Variants in P4HA3 observed in about 807,000 individuals in gnomAD.
P4HA3 encodes the protein prolyl 4-hydroxylase subunit alpha 3.
Under a neutral mutation model 66.7 loss-of-function variants are expected in P4HA3, and 60 were observed. The ratio of observed to expected loss-of-function variants is 0.90; its 90% confidence interval spans 0.73 to 1.12. The LOEUF is 1.12. Among genes scored for constraint, P4HA3 ranks in the 50% most tolerant of loss-of-function variants. The pLI, the probability that P4HA3 is intolerant of heterozygous loss-of-function variation, is 0.00. For missense variants in P4HA3, 683 were observed against 685.8 expected (o/e 1.00, Z 0.05); for synonymous variants, 263 against 274.6 (o/e 0.96, Z 0.42).
Position 74,289,078 on chromosome 11 carries a change from C to T in P4HA3, c.769+1G>A. 6.4e-7 allele frequency: 1 copy of T among 1,570,418 alleles called. No homozygotes were observed. Among genetic ancestry groups the T allele is most frequent in the African/African-American group, 1.4e-5 (1 of 71,542 alleles). On this transcript the variant is annotated splice_donor_variant, in intron 5 of 12. Coordinates refer to ENST00000331597, the MANE Select transcript of P4HA3 (RefSeq NM_182904.5). LOFTEE classifies it high-confidence loss of function. ...TGGCTTATCTTTTATCCATTACGTA[C>T]TGTAGAGAAGAAACTCCCGAGAGAG...
Position 74,311,633 on chromosome 11 carries a change from C to A in P4HA3, c.-22G>T, listed in dbSNP as rs1263107852. ...CCATAGCCAGCGCTCGCGAACTTCC[C>A]CTCAGACAGTCCTGGCCGCGCGGCG... On this transcript the variant is annotated 5_prime_UTR_variant, in exon 1 of 13. Transcript: ENST00000331597. The A allele has an allele frequency of 6.8e-7, 1 of 1,471,784 alleles. No homozygotes were observed. The highest frequency in any genetic ancestry group is 8.9e-7 in the Non-Finnish European group (1 of 1,122,138). The allele number at this position is 1,471,784 out of a possible 1,614,324, so 91.2% of individuals were successfully genotyped here. A position where few individuals can be genotyped will look rare whatever the true frequency, so the allele number is the denominator to read the frequency against.
intron 9 of P4HA3, among the ~76,000 whole-genome samples, chr11:74,275,721 G>T (rs1462848497): frequency 1.3e-5 from 2 of 152,116 alleles, no homozygotes; most frequent in Admixed American, 6.5e-5. Context: ...AAACCTCCTG[G>T]AATTTTTATA....
intron 15 of P4HA3, chr11:74,255,936 CT>C (rs1186717385): frequency 1.9e-6 from 1 of 516,676 alleles, no homozygotes; most frequent in Admixed American, 1.9e-5. Context: ...TTGCGGGTGC[CT>C]TTGCTGAGCT....
At chr11:74,251,364 T>C in intron 15 of P4HA3, 1 of 1,356,996 alleles carries the variant, frequency 7.4e-7, no homozygotes, top group Non-Finnish European at 9.5e-7. Context: ...GGAATTAATA[T>C]GGGCTCCTCC....
intron 5 of P4HA3, among the ~76,000 whole-genome samples, chr11:74,288,564 C>A (rs1370032768): frequency 1.3e-5 from 2 of 152,156 alleles, no homozygotes; most frequent in Non-Finnish European, 2.9e-5. Context: ...TCAGCATTTT[C>A]CAACTAACTT....
At chr11:74,250,848 G>A in intron 15 of P4HA3, 5 of 903,904 alleles carry the variant, frequency 5.5e-6, no homozygotes, top group Non-Finnish European at 8.9e-6. Context: ...TTGAGGTGAG[G>A]TTGGAAATGG....
At chr11:74,294,627 T>A (rs551733159) in intron 4 of P4HA3, among the ~76,000 whole-genome samples, 1 of 152,322 alleles carries the variant, frequency 6.6e-6, no homozygotes, top group East Asian at 1.9e-4. Context: ...GGTTTTGGTG[T>A]GGATGTCCTT....
At chr11:74,300,129 G>A (rs528529470) in intron 3 of P4HA3, among the ~76,000 whole-genome samples, 234 of 152,238 alleles carry the variant, frequency 1.5e-3, no homozygotes, top group Admixed American at 3.1e-3. Flanking sequence ...GATCTAAGGC[G>A]AGTGAGAGCA....
rs1860909014 is a variant in P4HA3 at position 74,289,095 on chromosome 11, C to T, written c.753G>A (p.Arg251=). The T allele has an allele frequency of 1.3e-6, 2 of 1,582,684 alleles. No individual in the cohort carries two copies. Among genetic ancestry groups the T allele is most frequent in the East Asian group, 4.5e-5 (2 of 43,978 alleles). ...GNVSCALSLS[R]EFLLYSPDNK... ...ATTACGTACTGTAGAGAAGAAACTCCCGAGAGAGGCTGAGGGCACACGAAA... is the reference window on the plus strand; with the variant it reads ...ATTACGTACTGTAGAGAAGAAACTCTCGAGAGAGGCTGAGGGCACACGAAA... Residue 251 remains arginine (R), a synonymous_variant, in exon 5 of 13, where the codon CGG becomes CGA. Coordinates refer to ENST00000331597, the MANE Select transcript of P4HA3 (RefSeq NM_182904.5).
chr11:74,269,649 C>G lies in P4HA3; in HGVS notation c.1467+3G>C, dbSNP rs767189465. On this transcript the variant is annotated splice_donor_region_variant and intron_variant, in intron 11 of 12. Transcript: ENST00000331597. Reference sequence around the variant, plus strand: ...CGTCTTCTGGGACCAGGGCCCCACTCACCCTAACCACAGGCACGCTGAGGT... The same window carrying G: ...CGTCTTCTGGGACCAGGGCCCCACTGACCCTAACCACAGGCACGCTGAGGT... 3.7e-6 allele frequency: 6 copies of G among 1,613,048 alleles called. No homozygotes were observed. In the African/African-American group the frequency reaches 8.0e-5, roughly 22 times the overall value.
chr11:74,276,035 T>A (rs1386581341), intron 9 of P4HA3, among the ~76,000 whole-genome samples: 3 of 152,088 alleles, frequency 2.0e-5, no homozygotes, highest in Non-Finnish European at 4.4e-5. Flanking sequence ...TTATCCTAAG[T>A]GAACTAACTC....
At chr11:74,304,914 G>C (rs557764073) in intron 1 of P4HA3, among the ~76,000 whole-genome samples, 1 of 152,104 alleles carries the variant, frequency 6.6e-6, no homozygotes, top group Non-Finnish European at 1.5e-5. Context: ...GGATGAAACT[G>C]TTCCACCTCA....
At chr11:74,304,584 T>C (rs1018588080) in intron 1 of P4HA3, among the ~76,000 whole-genome samples, 172 bp from the exon 2 acceptor site, 1 of 152,096 alleles carries the variant, frequency 6.6e-6, no homozygotes, top group Non-Finnish European at 1.5e-5. Flanking sequence ...ATGAAAACTA[T>C]AGATACAACA....
chr11:74,288,509 T>C (rs1200739552), intron 5 of P4HA3, among the ~76,000 whole-genome samples: 1 of 152,200 alleles, frequency 6.6e-6, no homozygotes, highest in Non-Finnish European at 1.5e-5. Context: ...AACACTAATA[T>C]ATCATTGATT....
chr11:74,298,109 A>T, intron 4 of P4HA3, 103 bp downstream of exon 4: 1 of 1,405,752 alleles, frequency 7.1e-7, no homozygotes, highest in Non-Finnish European at 9.6e-7. Context: ...CCTATTGGGA[A>T]GATGAAACAG....
At chr11:74,252,586 A>G in intron 15 of P4HA3, 1 of 453,308 alleles carries the variant, frequency 2.2e-6, no homozygotes, top group South Asian at 1.6e-5. Flanking sequence ...CTTTATTGAC[A>G]TTTTGAGGTG....
Position 74,311,578 on chromosome 11 carries a change from C to G in P4HA3, c.34G>C (p.Ala12Pro). 1 of 1,535,734 alleles carries G rather than the reference C, an allele frequency of 6.5e-7. No homozygotes were observed. Among genetic ancestry groups the G allele is most frequent in the South Asian group, 1.2e-5 (1 of 83,204 alleles). ...GPGARLAALL[A>P]VLALGTGDPE... Reference sequence around the variant, plus strand: ...TCTCCTGTCCCGAGCGCCAGCACCGCCAGCAGCGCCGCCAGCCGCGCCCCA... The same window carrying G: ...TCTCCTGTCCCGAGCGCCAGCACCGGCAGCAGCGCCGCCAGCCGCGCCCCA... The change falls in exon 1 of 13, where the codon GCG (alanine) becomes CCG (proline). Residue 12 changes from alanine to proline, a missense_variant. By Grantham distance (27) the Ala-to-Pro change is conservative. Coordinates refer to ENST00000331597, the MANE Select transcript of P4HA3 (RefSeq NM_182904.5).
chr11:74,301,972 C>T (rs1390116092), intron 3 of P4HA3, among the ~76,000 whole-genome samples: 1 of 152,176 alleles, frequency 6.6e-6, no homozygotes, highest in Non-Finnish European at 1.5e-5. Flanking sequence ...CTTTCCCTTT[C>T]TACCCAGGAG....
At chr11:74,303,372 G>A (rs1198730982) in intron 2 of P4HA3, among the ~76,000 whole-genome samples, 1 of 144,890 alleles carries the variant, frequency 6.9e-6, no homozygotes, top group Non-Finnish European at 1.5e-5. Context: ...TCAGCTCACT[G>A]CAACCTCCAC....
Sources: allele counts gnomAD v4.1 joint callset (sites outside exome capture counted in the v4.1 genomes callset), GRCh38; gene constraint gnomAD v4.1.1; transcripts MANE v1.5; gene names NCBI Gene and HGNC (gene_info 2026-07-23, HGNC 2026-07-21).